The following HOOK3 variants were observed in gnomAD, a reference collection of about 807,000 sequenced individuals.
HOOK3 encodes protein Hook homolog 3.
A neutral mutation model predicts 116.3 loss-of-function variants in HOOK3; 24 were observed. The ratio of observed to expected loss-of-function variants is 0.21; its 90% confidence interval spans 0.15 to 0.29. HOOK3 has a LOEUF of 0.29. HOOK3 is among the 10% of genes least tolerant of loss of function. The pLI is 1.00. For missense variants in HOOK3, 632 were observed against 830.2 expected (o/e 0.76, Z 2.93); for synonymous variants, 275 against 283.0 (o/e 0.97, Z 0.28).
chr8:42,949,694 C>T lies in HOOK3; in HGVS notation c.401-694C>T, dbSNP rs1475468797. ...CAGCACTTTGGGAGGCCGAGGCAGG[C>T]GGATCACGAGGTCAAGAGATTGAGA... On this transcript the variant is annotated intron_variant, in intron 5 of 21. Transcript: ENST00000307602. Among the ~76,000 whole-genome samples, 8 of 152,036 alleles carry T rather than the reference C, an allele frequency of 5.3e-5. No individual in the cohort carries two copies. In the Middle Eastern group the frequency reaches 0.01, roughly 194 times the overall value.
At chr8:42,967,746 C>T (rs548543440) in intron 10 of HOOK3, among the ~76,000 whole-genome samples, 4 of 151,818 alleles carry the variant, frequency 2.6e-5, no homozygotes, top group Non-Finnish European at 4.4e-5. Flanking sequence ...CCAAATTATT[C>T]GGACACTGTT....
intron 3 of HOOK3, among the ~76,000 whole-genome samples, chr8:42,927,859 C>G (rs1807798677): frequency 6.6e-6 from 1 of 152,208 alleles, no homozygotes; most frequent in African/African-American, 2.4e-5. Flanking sequence ...CTGCCTCAAC[C>G]TGGCAGGCCA....
rs1478772487 is a variant in HOOK3, at chr8:42,982,181, G to A, written c.1322-446G>A. Among the ~76,000 whole-genome samples the A allele has an allele frequency of 6.0e-5, 9 of 150,410 alleles. No individual in the cohort carries two copies. In the South Asian group the frequency reaches 8.4e-4, roughly 14 times the overall value. ...GAGACAAAAGAATTGCCTGACCCCA[G>A]GAGGCAGAGGTTGCAGTGAGCCAAG... On this transcript the variant is annotated intron_variant, in intron 13 of 21. Coordinates refer to ENST00000307602, the MANE Select transcript of HOOK3 (RefSeq NM_032410.4).
At chr8:42,949,095 A>G (rs1187248080) in intron 5 of HOOK3, among the ~76,000 whole-genome samples, 1 of 152,216 alleles carries the variant, frequency 6.6e-6, no homozygotes, top group Non-Finnish European at 1.5e-5. Flanking sequence ...ATCTCTTGTC[A>G]AAAGAGTACT....
chr8:42,927,205 T>A (rs888576455), intron 3 of HOOK3, among the ~76,000 whole-genome samples: 13 of 152,128 alleles, frequency 8.5e-5, no homozygotes, highest in Non-Finnish European at 1.5e-5. Flanking sequence ...AATTCCTTCT[T>A]TTTACTAAGC....
rs1586641041 is a variant in HOOK3, at chr8:43,027,403, C to T, written c.*8905C>T. ...GAATAGAGAGATTTGCTTATGAGAACATTCTGTCATTTGTTCTGTTTGTAG... is the reference window on the plus strand; with the variant it reads ...GAATAGAGAGATTTGCTTATGAGAATATTCTGTCATTTGTTCTGTTTGTAG... On this transcript the variant is annotated 3_prime_UTR_variant, in exon 22 of 22. Transcript: ENST00000307602. The T allele has an allele frequency of 3.4e-6, 1 of 290,988 alleles. No homozygotes were observed. Among genetic ancestry groups the T allele is most frequent in the Non-Finnish European group, 6.2e-6 (1 of 161,950 alleles). 18.0% of individuals were successfully genotyped at this position (290,988 alleles called of 1,614,324 possible).
intron 4 of HOOK3, among the ~76,000 whole-genome samples, chr8:42,935,001 C>A (rs1807939007): frequency 6.6e-6 from 1 of 152,138 alleles, no homozygotes; most frequent in Non-Finnish European, 1.5e-5. Context: ...AATTTACAGT[C>A]CCACCAACAG....
intron 10 of HOOK3, among the ~76,000 whole-genome samples, chr8:42,966,937 C>T (rs1225853697): frequency 6.6e-6 from 1 of 152,060 alleles, no homozygotes; most frequent in Non-Finnish European, 1.5e-5. Flanking sequence ...AGCTGTTCTT[C>T]CGCCACGCCC....
chr8:42,922,542 G>A (rs1429993762), intron 2 of HOOK3, among the ~76,000 whole-genome samples: 1 of 152,110 alleles, frequency 6.6e-6, no homozygotes, highest in Non-Finnish European at 1.5e-5. Context: ...GGGCAACAGA[G>A]TGGGAACCTG....
intron 11 of HOOK3, among the ~76,000 whole-genome samples, chr8:42,969,361 C>CA (rs753481871): frequency 4.6e-5 from 7 of 152,228 alleles, no homozygotes; most frequent in Non-Finnish European, 7.3e-5. Flanking sequence ...CACAGTGTCT[C>CA]ACGCCTGTAA....
intron 1 of HOOK3, among the ~76,000 whole-genome samples, chr8:42,898,467 G>A (rs1217306778): frequency 6.6e-6 from 1 of 152,198 alleles, no homozygotes; most frequent in Non-Finnish European, 1.5e-5. Flanking sequence ...GTATAATGTG[G>A]CTGAGGTTTC....
chr8:43,018,124 G>A (rs1377859281), intron 21 of HOOK3, among the ~76,000 whole-genome samples: 2 of 152,294 alleles, frequency 1.3e-5, no homozygotes, highest in Non-Finnish European at 2.9e-5. Flanking sequence ...ATCATCTGCT[G>A]TATTGTTTAT....
At position 42,946,361 on chromosome 8, in the gene HOOK3, A is replaced by G. The variant is rs144281980; in HGVS notation, c.400+2916A>G. ...AATGTAAATAGTAGAAGCTGAATGT[A>G]GGAAAGACCTAGGTTATCTCTGAGG... On this transcript the variant is annotated intron_variant, in intron 5 of 21. Transcript: ENST00000307602. 2.2e-3 allele frequency among the ~76,000 whole-genome samples: 336 copies of G among 152,310 alleles called. 1 individual carries two copies. Among genetic ancestry groups the G allele is most frequent in the African/African-American group, 7.8e-3 (325 of 41,572 alleles).
In HOOK3 at chr8:43,019,352, T is replaced by G; in HGVS notation, c.*854T>G. On this transcript the variant is annotated 3_prime_UTR_variant, in exon 22 of 22. Transcript: ENST00000307602. ...CATACCTTCAGTTGCTTTCCACATC[T>G]AAAAGAGTTATCTTTCATATATGTA... The G allele has an allele frequency of 4.7e-6, 1 of 214,362 alleles. No homozygotes were observed. The highest frequency in any genetic ancestry group is 9.4e-6 in the Non-Finnish European group (1 of 106,342). 13.3% of individuals were successfully genotyped at this position (214,362 alleles called of 1,614,324 possible). A position where few individuals can be genotyped will look rare whatever the true frequency, so the allele number is the denominator to read the frequency against.
intron 19 of HOOK3, 75 bp from the exon 20 acceptor site, chr8:43,012,976 T>C: frequency 1.2e-6 from 1 of 863,926 alleles, no homozygotes; most frequent in South Asian, 1.7e-5. Flanking sequence ...TTTAAAAAAA[T>C]AGTCATTCTT....
intron 15 of HOOK3, among the ~76,000 whole-genome samples, chr8:42,987,980 C>T (rs1809079829): frequency 6.6e-6 from 1 of 152,004 alleles, no homozygotes; most frequent in African/African-American, 2.4e-5. Flanking sequence ...TTGGCTTCTC[C>T]CAGTTGGAGG....
In HOOK3 at chr8:43,026,890, T is replaced by A. The variant is rs2130507317; in HGVS notation, c.*8392T>A. The A allele has an allele frequency of 5.1e-6, 1 of 195,416 alleles. No homozygotes were observed. Among genetic ancestry groups the A allele is most frequent in the East Asian group, 8.0e-5 (1 of 12,564 alleles). The allele number at this position is 195,416 out of a possible 1,614,324, so 12.1% of individuals were successfully genotyped here. ...TCAGCTGTTTTCTTTTTTCTTTTTT[T>A]TTCTTTTGAGATGGAGTCTCACTCT... On this transcript the variant is annotated 3_prime_UTR_variant, in exon 22 of 22. Transcript: ENST00000307602.
At chr8:42,922,175 GACT>G (rs1807669566) in intron 2 of HOOK3, among the ~76,000 whole-genome samples, 1 of 152,144 alleles carries the variant, frequency 6.6e-6, no homozygotes, top group Non-Finnish European at 1.5e-5. Context: ...AAATCTTCAT[GACT>G]CTCGATTAGG....
intron 2 of HOOK3, among the ~76,000 whole-genome samples, chr8:42,907,325 CTT>C (rs1171187449): frequency 1.3e-5 from 2 of 152,320 alleles, no homozygotes; most frequent in Admixed American, 6.5e-5. Context: ...TTATCTGTCT[CTT>C]TGCCTTTAGA....
Sources: allele counts gnomAD v4.1 joint callset (sites outside exome capture counted in the v4.1 genomes callset), GRCh38; gene constraint gnomAD v4.1.1; transcripts MANE v1.5; gene names NCBI Gene and HGNC (gene_info 2026-07-23, HGNC 2026-07-21).